The following N4BP2 variants were observed in gnomAD, a reference collection of about 807,000 sequenced individuals.
N4BP2 encodes NEDD4-binding protein 2.
N4BP2 carries 91 observed loss-of-function variants against 152.8 expected under a neutral mutation model. The observed-to-expected ratio is 0.60, with a 90% CI of 0.50 to 0.71. N4BP2 has a LOEUF of 0.71. N4BP2 is among the 30% of genes least tolerant of loss of function. The probability of loss-of-function intolerance (pLI) is 0.00; values close to 1 mark genes in which losing one functional copy is unlikely to be tolerated. For missense variants in N4BP2, 1,923 were observed against 2,059.1 expected (o/e 0.93, Z 1.28); for synonymous variants, 646 against 705.3 (o/e 0.92, Z 1.33).
chr4:40,186,154 C>T, the N4BP2 span, among the ~76,000 whole-genome samples: 1 of 151,946 alleles, frequency 6.6e-6, no homozygotes, highest in Non-Finnish European at 1.5e-5. Context: ...TGGAGTCTGT[C>T]TGGAAGTTTG....
chr4:40,133,477 A>T (rs1719076720), intron 13 of N4BP2, among the ~76,000 whole-genome samples: 1 of 152,018 alleles, frequency 6.6e-6, no homozygotes, highest in Admixed American at 6.6e-5. Flanking sequence ...CAGGGATTAC[A>T]GGCGCACACC....
intron 13 of N4BP2, among the ~76,000 whole-genome samples, chr4:40,134,559 G>A (rs1176982284): frequency 6.6e-6 from 1 of 152,158 alleles, no homozygotes; most frequent in East Asian, 1.9e-4. Flanking sequence ...TGCTTGAGGT[G>A]TAATCTTCTA....
rs1437312540 is a variant in N4BP2 at position 40,158,201 on chromosome 4, A to T, written c.*3964A>T. ...TATAAATTTGCTTTTAAATTTTCTT[A>T]TGAAGCCATTTGCAAATTACATACT... is the stretch of plus-strand genomic sequence containing the variant. On this transcript the variant is annotated 3_prime_UTR_variant, in exon 18 of 18. Coordinates refer to ENST00000261435, the MANE Select transcript of N4BP2 (RefSeq NM_018177.6). 6.6e-6 allele frequency: 1 copy of T among 152,208 alleles called. No individual in the cohort carries two copies. Among genetic ancestry groups the T allele is most frequent in the African/African-American group, 2.4e-5 (1 of 41,464 alleles). The allele number at this position is 152,208 out of a possible 1,614,324, so 9.4% of individuals were successfully genotyped here.
At chr4:40,135,494 C>T (rs1019311259) in intron 13 of N4BP2, among the ~76,000 whole-genome samples, 4 of 152,138 alleles carry the variant, frequency 2.6e-5, no homozygotes, top group Non-Finnish European at 5.9e-5. Context: ...AAATGGTATT[C>T]CTAGTTCTAG....
At chr4:40,116,980 T>A (rs1283770532) in intron 7 of N4BP2, among the ~76,000 whole-genome samples, 4 of 152,206 alleles carry the variant, frequency 2.6e-5, no homozygotes, top group African/African-American at 9.6e-5. Flanking sequence ...AATGATTTTT[T>A]AAAATTTCTG....
the N4BP2 span, among the ~76,000 whole-genome samples, chr4:40,176,572 G>A: frequency 6.6e-6 from 1 of 152,152 alleles, no homozygotes; most frequent in African/African-American, 2.4e-5. Flanking sequence ...AGAAATGTAG[G>A]ATTAAGGCAC....
chr4:40,177,353 C>G, the N4BP2 span, among the ~76,000 whole-genome samples: 3 of 152,132 alleles, frequency 2.0e-5, no homozygotes, highest in Admixed American at 2.0e-4. Flanking sequence ...CGGTGGTTCA[C>G]GCCTGTAATA....
chr4:40,069,413 A>T (rs747880625), intron 1 of N4BP2, among the ~76,000 whole-genome samples: 8 of 151,458 alleles, frequency 5.3e-5, no homozygotes, highest in Non-Finnish European at 1.2e-4. Flanking sequence ...AGACTGTTTT[A>T]AAAAAAAATT....
In N4BP2 at chr4:40,120,826, A is replaced by C. The variant is rs570915854; in HGVS notation, c.2715A>C (p.Leu905Phe). The change falls in exon 9 of 18, where the codon TTA becomes TTC. Residue 905 changes from leucine to phenylalanine, a missense_variant. Physicochemically the swap from Leu to Phe is conservative, Grantham distance 22. Coordinates refer to ENST00000261435, the MANE Select transcript of N4BP2 (RefSeq NM_018177.6). ...GATCAAGAATGCCAAAGACTGGTTT[A>C]AGTGAGCCCAACCTAGAAATTGGAA... Reference protein sequence around the residue: ...EHRSRMPKTGLSEPNLEIGTN... With the variant: ...EHRSRMPKTGFSEPNLEIGTN... 3 of 1,614,046 alleles carry C rather than the reference A, an allele frequency of 1.9e-6. No individual in the cohort carries two copies. The highest frequency in any genetic ancestry group is 1.3e-5 in the African/African-American group (1 of 74,940).
Position 40,113,420 on chromosome 4 carries a change from T to A in N4BP2, c.1588-12T>A, listed in dbSNP as rs766179532. On this transcript the variant is annotated splice_polypyrimidine_tract_variant and intron_variant, in intron 6 of 17. Coordinates refer to ENST00000261435, the MANE Select transcript of N4BP2 (RefSeq NM_018177.6). ...ACCTATTTTAAAATGTTTTTGTCTT[T>A]GTTGTATGTAGTCTCAGAAACACAA... 6.3e-7 allele frequency: 1 copy of A among 1,576,222 alleles called. No individual in the cohort carries two copies. The highest frequency in any genetic ancestry group is 8.7e-7 in the Non-Finnish European group (1 of 1,150,068).
the N4BP2 span, among the ~76,000 whole-genome samples, chr4:40,185,869 C>T: frequency 3.3e-5 from 5 of 152,140 alleles, no homozygotes; most frequent in Non-Finnish European, 7.3e-5. Flanking sequence ...GAAACCAGAC[C>T]TTGCAATCCT....
At chr4:40,163,271 C>T in the N4BP2 span, among the ~76,000 whole-genome samples, 27 of 152,164 alleles carry the variant, frequency 1.8e-4, no homozygotes, top group Non-Finnish European at 5.9e-5. Context: ...CATAACCACC[C>T]GCTGGGGTAG....
chr4:40,084,944 G>A (rs1298392644), intron 2 of N4BP2, among the ~76,000 whole-genome samples: 2 of 131,296 alleles, frequency 1.5e-5, no homozygotes, highest in African/African-American at 5.9e-5. Flanking sequence ...ATGGAGTCTC[G>A]CTGTGTCGCC....
Position 40,123,113 on chromosome 4 carries a change from C to G in N4BP2, c.4199-14C>G. On this transcript the variant is annotated splice_polypyrimidine_tract_variant and intron_variant, in intron 9 of 17. Transcript: ENST00000261435. ...TAATGATTACATTTTCTTCCCTCCCCCTTCCCCCACAAGGGTCTCTAACAG... is the reference window on the plus strand; with the variant it reads ...TAATGATTACATTTTCTTCCCTCCCGCTTCCCCCACAAGGGTCTCTAACAG... The G allele has an allele frequency of 1.3e-6, 2 of 1,557,220 alleles. No homozygotes were observed. Among genetic ancestry groups the G allele is most frequent in the African/African-American group, 1.4e-5 (1 of 73,590 alleles).
chr4:40,081,066 G>A (rs1713319829), intron 2 of N4BP2, among the ~76,000 whole-genome samples: 1 of 151,608 alleles, frequency 6.6e-6, no homozygotes, highest in Non-Finnish European at 1.5e-5. Context: ...AAAGGGAATG[G>A]AAGGGATATA....
At chr4:40,124,230 ATGT>A in intron 11 of N4BP2, 25 bp downstream of exon 11, 1 of 1,562,108 alleles carries the variant, frequency 6.4e-7, no homozygotes, top group African/African-American at 1.3e-5. Flanking sequence ...TTTATTTCTA[ATGT>A]CTTAATGTTG....
chr4:40,152,772 T>C lies in N4BP2; in HGVS notation c.5144-8T>C. The C allele has an allele frequency of 6.2e-7, 1 of 1,613,766 alleles. No individual in the cohort carries two copies. The highest frequency in any genetic ancestry group is 8.5e-7 in the Non-Finnish European group (1 of 1,179,838). On this transcript the variant is annotated splice_region_variant and splice_polypyrimidine_tract_variant and intron_variant, in intron 16 of 17. Transcript: ENST00000261435. ...GAATTTTAACTCCCCTGATTTCTGT[T>C]GTAACAGAATTTAAGCAGAACGGTG...
intron 1 of N4BP2, among the ~76,000 whole-genome samples, chr4:40,068,216 T>G (rs1711747669): frequency 6.6e-6 from 1 of 152,230 alleles, no homozygotes; most frequent in African/African-American, 2.4e-5. Flanking sequence ...ATTCTAGATA[T>G]TACCAACTTA....
chr4:40,154,858 G>A lies in N4BP2; in HGVS notation c.*621G>A, dbSNP rs941142574. 1.3e-5 allele frequency: 2 copies of A among 152,144 alleles called. No individual in the cohort carries two copies. Among genetic ancestry groups the A allele is most frequent in the Non-Finnish European group, 2.9e-5 (2 of 68,044 alleles). 9.4% of individuals were successfully genotyped at this position (152,144 alleles called of 1,614,324 possible). A position where few individuals can be genotyped will look rare whatever the true frequency, so the allele number is the denominator to read the frequency against. ...TCTGTTCTTCTGTGTGCATTTTATG[G>A]AAAGAAAGTTGGGTCTGAGATTATA... On this transcript the variant is annotated 3_prime_UTR_variant, in exon 18 of 18. Transcript: ENST00000261435.
Sources: gnomAD v4.1 joint callset for allele counts (sites outside exome capture counted in the v4.1 genomes callset) on GRCh38, gnomAD v4.1.1 for gene constraint, MANE v1.5 for transcripts, NCBI Gene and HGNC (gene_info 2026-07-23, HGNC 2026-07-21) for gene names.